EYS: variants seen among roughly 807,000 people sequenced by gnomAD.
The protein encoded by EYS is protein eyes shut homolog.
In EYS, 250 loss-of-function variants were observed where a neutral mutation model predicts 282.1. The observed-to-expected ratio is 0.89, with a 90% confidence interval of 0.80 to 0.98. The LOEUF is 0.98. Ranked by LOEUF, EYS falls within the 50% of genes least tolerant of loss-of-function variation. The pLI, the probability that EYS is intolerant of heterozygous loss-of-function variation, is 0.00. For missense variants in EYS, 4,016 were observed against 3,709.0 expected (o/e 1.08, Z -2.15); for synonymous variants, 1,355 against 1,282.9 (o/e 1.06, Z -1.20).
chr6:63,938,598 ATG>A (rs1765140923), intron 35 of EYS, among the ~76,000 whole-genome samples: 1 of 152,234 alleles, frequency 6.6e-6, no homozygotes, highest in African/African-American at 2.4e-5. Flanking sequence ...GAAAAAGAAA[ATG>A]TGATCTGTAA....
At chr6:64,181,187 C>T (rs1582391137) in intron 31 of EYS, among the ~76,000 whole-genome samples, 1 of 152,008 alleles carries the variant, frequency 6.6e-6, no homozygotes. Context: ...GTAAATTGAC[C>T]ATAATCAAAG....
At chr6:65,100,733 G>A (rs1169780415) in intron 12 of EYS, among the ~76,000 whole-genome samples, 7 of 149,632 alleles carry the variant, frequency 4.7e-5, no homozygotes, top group African/African-American at 7.4e-5. Context: ...TGCTGACTTC[G>A]TTTGTTTTAC....
At chr6:64,455,087 G>A (rs1356951748) in intron 26 of EYS, among the ~76,000 whole-genome samples, 1 of 151,944 alleles carries the variant, frequency 6.6e-6, no homozygotes, top group Non-Finnish European at 1.5e-5. Flanking sequence ...ATTTATTTGT[G>A]TGTGTGTGGA....
At chr6:64,360,611 G>A (rs561665062) in intron 29 of EYS, among the ~76,000 whole-genome samples, 3 of 151,614 alleles carry the variant, frequency 2.0e-5, no homozygotes, top group Non-Finnish European at 4.4e-5. Context: ...TTATGAGATA[G>A]TAGTTTCAGT....
At chr6:65,388,742 T>A (rs377505563) in intron 7 of EYS, among the ~76,000 whole-genome samples, 3 of 152,058 alleles carry the variant, frequency 2.0e-5, no homozygotes, top group South Asian at 4.1e-4. Context: ...CTGAATGGCA[T>A]TGGCAGAGGA....
At chr6:65,132,753 A>G (rs930104144) in intron 12 of EYS, among the ~76,000 whole-genome samples, 3 of 151,958 alleles carry the variant, frequency 2.0e-5, no homozygotes, top group Admixed American at 6.6e-5. Flanking sequence ...ATTCAAATAG[A>G]AAGAATGAAA....
chr6:65,460,648 T>C (rs1340293009), intron 5 of EYS, among the ~76,000 whole-genome samples: 1 of 152,120 alleles, frequency 6.6e-6, no homozygotes, highest in Admixed American at 6.6e-5. Context: ...TCAGCCTTCC[T>C]TTGGCAATTT....
intron 15 of EYS, among the ~76,000 whole-genome samples, chr6:64,923,089 G>T (rs1184322414): frequency 6.6e-6 from 1 of 151,864 alleles, no homozygotes; most frequent in East Asian, 1.9e-4. Context: ...TTGCTTCTGG[G>T]TATGTTTAGT....
intron 31 of EYS, among the ~76,000 whole-genome samples, chr6:64,126,602 C>A (rs995553529): frequency 6.6e-6 from 1 of 151,870 alleles, no homozygotes; most frequent in African/African-American, 2.4e-5. Flanking sequence ...AGGTCCAGCT[C>A]CTTTCTTACT....
chr6:65,625,953 T>C (rs888707353), intron 2 of EYS, among the ~76,000 whole-genome samples: 6 of 152,222 alleles, frequency 3.9e-5, no homozygotes, highest in Non-Finnish European at 7.3e-5. Flanking sequence ...TTATCTTTAC[T>C]GAACTTTCCT....
At chr6:64,816,752 AG>A (rs1054952380) in intron 21 of EYS, among the ~76,000 whole-genome samples, 20 of 152,120 alleles carry the variant, frequency 1.3e-4, no homozygotes, top group Non-Finnish European at 2.1e-4. Flanking sequence ...AATGAGCAAG[AG>A]GGGGTCTTAA....
At chr6:65,562,691 T>A (rs930602335) in intron 2 of EYS, among the ~76,000 whole-genome samples, 1 of 152,058 alleles carries the variant, frequency 6.6e-6, no homozygotes, top group Admixed American at 6.6e-5. Flanking sequence ...AGATATGACT[T>A]ATATATAATT....
At chr6:65,384,218 T>C (rs533988906) in intron 8 of EYS, among the ~76,000 whole-genome samples, 168 bp downstream of exon 8, 5 of 151,930 alleles carry the variant, frequency 3.3e-5, no homozygotes, top group Admixed American at 2.0e-4. Context: ...AACATAATTC[T>C]TATAAATTAA....
At chr6:64,680,343 C>A (rs1439265786) in intron 22 of EYS, among the ~76,000 whole-genome samples, 3 of 152,138 alleles carry the variant, frequency 2.0e-5, no homozygotes, top group African/African-American at 7.2e-5. Context: ...ATTTTATGTT[C>A]TACAGGCAGG....
In EYS at chr6:64,870,424, CT is replaced by C. The variant is rs70999174; in HGVS notation, c.2992+16272del. On this transcript the variant is annotated intron_variant, in intron 19 of 42. Transcript: ENST00000503581. ...AAAACAATTACCCCCCTCCTCCCCC[CT>C]CCAAAAAAAAAAAAACAAAAAGCTG... Among the ~76,000 whole-genome samples the C allele has an allele frequency of 9.2e-3, 1,238 of 134,852 alleles. 10 individuals carry two copies. Among genetic ancestry groups the C allele is most frequent in the Non-Finnish European group, 0.016 (999 of 63,150 alleles). 88.5% of individuals were successfully genotyped at this position (134,852 alleles called of 152,430 possible). A position where few individuals can be genotyped will look rare whatever the true frequency, so the allele number is the denominator to read the frequency against.
chr6:63,932,926 A>G (rs1426485163), intron 35 of EYS, among the ~76,000 whole-genome samples: 2 of 152,250 alleles, frequency 1.3e-5, no homozygotes, highest in African/African-American at 4.8e-5. Flanking sequence ...CTTCTGACCA[A>G]TTGGCTATAA....
At chr6:65,394,249 T>TGC (rs1430427415) in intron 7 of EYS, among the ~76,000 whole-genome samples, 3 of 151,994 alleles carry the variant, frequency 2.0e-5, no homozygotes, top group South Asian at 2.1e-4. Context: ...TGTGTGTGTG[T>TGC]GCAAAATGGC....
intron 30 of EYS, among the ~76,000 whole-genome samples, chr6:64,261,859 G>A (rs73766032): frequency 0.036 from 5,529 of 151,626 alleles, 322 homozygotes; most frequent in African/African-American, 0.13. Flanking sequence ...CAGGGTCAAG[G>A]GCTCCTCCCA....
At chr6:64,421,390 T>C (rs4710271) in intron 28 of EYS, among the ~76,000 whole-genome samples, 36,434 of 151,856 alleles carry the variant, frequency 0.24, 4,847 homozygotes, top group East Asian at 0.38. Context: ...AAATTCAAGA[T>C]GAGATTTGGG....
Sources: allele counts gnomAD v4.1 joint callset (sites outside exome capture counted in the v4.1 genomes callset), GRCh38; gene constraint gnomAD v4.1.1; transcripts MANE v1.5; gene names NCBI Gene and HGNC (gene_info 2026-07-23, HGNC 2026-07-21).